Variants in GPT2 observed in about 807,000 individuals in gnomAD.
The protein encoded by GPT2 is alanine aminotransferase 2.
In GPT2, 30 loss-of-function variants were observed where a neutral mutation model predicts 56.9. The ratio of observed to expected loss-of-function variants is 0.53; its 90% CI spans 0.39 to 0.72. The LOEUF is 0.72. Among genes scored for constraint, GPT2 ranks in the 30% least tolerant of loss-of-function variants. GPT2 has a pLI of 0.00. For synonymous variants in GPT2, 271 were observed against 283.1 expected (o/e 0.96, Z 0.43); for missense variants, 542 against 703.4 (o/e 0.77, Z 2.60).
chr16:46,924,125 C>T, intron 9 of GPT2: 1 of 490,976 alleles, frequency 2.0e-6, no homozygotes, highest in South Asian at 1.9e-5. Flanking sequence ...CAGGCTCACA[C>T]AAGCTCTTCT....
intron 2 of GPT2, among the ~76,000 whole-genome samples, chr16:46,889,305 T>A (rs1177804060): frequency 2.9e-5 from 4 of 139,576 alleles, no homozygotes; most frequent in African/African-American, 7.8e-5. Context: ...TCTCCTAGGC[T>A]GGAGTGCAGT....
At chr16:46,925,419 C>T (rs1961387413) in intron 10 of GPT2, among the ~76,000 whole-genome samples, 1 of 152,048 alleles carries the variant, frequency 6.6e-6, no homozygotes, top group South Asian at 2.1e-4. Context: ...GACGGGGTTT[C>T]ACCGTGTTAG....
At chr16:46,918,021 C>A (rs1439007370) in intron 7 of GPT2, among the ~76,000 whole-genome samples, 1 of 152,188 alleles carries the variant, frequency 6.6e-6, no homozygotes, top group Non-Finnish European at 1.5e-5. Context: ...TTTCTCTGAT[C>A]TCCAAAATAG....
intron 3 of GPT2, among the ~76,000 whole-genome samples, chr16:46,899,235 T>C (rs1449062177): frequency 6.6e-6 from 1 of 151,970 alleles, no homozygotes; most frequent in Non-Finnish European, 1.5e-5. Flanking sequence ...GGTCTTGCTG[T>C]GTTGCCCAGG....
In GPT2 at chr16:46,903,949, G is replaced by T. The variant is rs138253210; in HGVS notation, c.443-2893G>T. Among the ~76,000 whole-genome samples, 528 of 152,316 alleles carry T rather than the reference G, an allele frequency of 3.5e-3. 2 individuals are homozygous for T. Among genetic ancestry groups the T allele is most frequent in the African/African-American group, 0.012 (505 of 41,564 alleles). The stretch of plus-strand genomic sequence containing the variant: ...GGAGAGGAAGAGCTTAAGGGGAAAC[G>T]TGGCATTCACGCTCATGGGGAGGAT... On this transcript the variant is annotated intron_variant, in intron 4 of 11. Transcript: ENST00000340124.
rs1961494952 is a variant in GPT2 at position 46,929,659 on chromosome 16, A to G, written c.*662A>G. 6.6e-6 allele frequency: 1 copy of G among 152,412 alleles called. No individual in the cohort carries two copies. The highest frequency in any genetic ancestry group is 1.9e-4 in the East Asian group (1 of 5,194). 9.4% of individuals were successfully genotyped at this position (152,412 alleles called of 1,614,324 possible). The stretch of plus-strand genomic sequence containing the variant: ...AGGAGGAACTGGGCCTCCGCTTCCC[A>G]GCAACGCAGCCAGGCCTGAGAATTC... On this transcript the variant is annotated 3_prime_UTR_variant, in exon 12 of 12. Transcript: ENST00000340124.
intron 4 of GPT2, among the ~76,000 whole-genome samples, chr16:46,904,462 A>C (rs1240170795): frequency 2.6e-5 from 4 of 152,300 alleles, no homozygotes; most frequent in Admixed American, 6.5e-5. Flanking sequence ...AGGCTGAGAG[A>C]TTGGCTGGAG....
rs143688189 is a variant in GPT2, at chr16:46,916,432, G to C, written c.821-196G>C. ...TGGCTGAGGAGAGTCAGACACACAG[G>C]CTGCTCTTCTGGGCGTCCCTGGAGG... is the stretch of plus-strand genomic sequence containing the variant. On this transcript the variant is annotated intron_variant, in intron 6 of 11. Transcript: ENST00000340124. 675 of 588,156 alleles carry C rather than the reference G, an allele frequency of 1.1e-3. 15 individuals are homozygous for C. In the East Asian group the frequency reaches 0.017, roughly 15 times the overall value. 36.4% of individuals were successfully genotyped at this position (588,156 alleles called of 1,614,324 possible). A position where few individuals can be genotyped will look rare whatever the true frequency, so the allele number is the denominator to read the frequency against.
chr16:46,924,357 C>T, intron 9 of GPT2, 32 bp from the exon 10 acceptor site: 1 of 1,612,282 alleles, frequency 6.2e-7, no homozygotes, highest in Non-Finnish European at 8.5e-7. Context: ...TCCAGAGATA[C>T]TGACTGCTGT....
chr16:46,922,914 T>C (rs1318514445), intron 9 of GPT2, among the ~76,000 whole-genome samples: 1 of 152,172 alleles, frequency 6.6e-6, no homozygotes, highest in Non-Finnish European at 1.5e-5. Context: ...TCACTTCTTT[T>C]TTAAAAAATT....
intron 4 of GPT2, among the ~76,000 whole-genome samples, chr16:46,903,086 TA>T (rs1204834228): frequency 6.6e-6 from 1 of 151,902 alleles, no homozygotes; most frequent in Non-Finnish European, 1.5e-5. Flanking sequence ...CTGTCTCTAC[TA>T]AAAATACAAA....
At position 46,900,862 on chromosome 16, in the gene GPT2, G is replaced by C. The variant is rs1320038381; in HGVS notation, c.442+72G>C. 2.4e-6 allele frequency: 3 copies of C among 1,270,620 alleles called. No homozygotes were observed. The Admixed American group carries it at 5.3e-5, about 23-fold the overall frequency. 78.7% of individuals were successfully genotyped at this position (1,270,620 alleles called of 1,614,324 possible). On this transcript the variant is annotated intron_variant, in intron 4 of 11. Coordinates refer to ENST00000340124, the MANE Select transcript of GPT2 (RefSeq NM_133443.4). ...TTCCCAGGCGGCCCCAGCCTCAAGC[G>C]GAGGGTCCTGCATGCGAATGGGTGT...
chr16:46,906,656 G>A (rs541442153), intron 4 of GPT2, among the ~76,000 whole-genome samples, 186 bp from the exon 5 acceptor site: 31 of 152,232 alleles, frequency 2.0e-4, no homozygotes, highest in Non-Finnish European at 2.8e-4. Flanking sequence ...GGATAGAGGG[G>A]TGGGTGGATG....
Position 46,921,167 on chromosome 16 carries a change from G to T in GPT2, c.1038-1075G>T, listed in dbSNP as rs914362368. On this transcript the variant is annotated intron_variant, in intron 8 of 11. Coordinates refer to ENST00000340124, the MANE Select transcript of GPT2 (RefSeq NM_133443.4). ...GTGATCCCAAAAGCATGGTTTTTTTGATTTTTGTTTTGTTGTTTTGAGATG... is the reference window on the plus strand; with the variant it reads ...GTGATCCCAAAAGCATGGTTTTTTTTATTTTTGTTTTGTTGTTTTGAGATG... Among the ~76,000 whole-genome samples, 7 of 152,124 alleles carry T rather than the reference G, an allele frequency of 4.6e-5. No homozygotes were observed. In the East Asian group the frequency reaches 5.8e-4, roughly 13 times the overall value.
rs749884577 is a variant in GPT2 at position 46,918,720 on chromosome 16, G to A, written c.1000G>A (p.Ala334Thr). The change falls in exon 8 of 12, where the codon GCC becomes ACC. Residue 334 changes from alanine to threonine, a missense_variant. Transcript: ENST00000340124. Reference sequence around the variant, plus strand: ...CGAGTACTCCAGCAACGTGGAGCTCGCCTCCTTCCACTCCACCTCCAAGGG... The same window carrying A: ...CGAGTACTCCAGCAACGTGGAGCTCACCTCCTTCCACTCCACCTCCAAGGG... Reference protein sequence around the residue: ...GPEYSSNVELASFHSTSKGYM... With the variant: ...GPEYSSNVELTSFHSTSKGYM... The A allele has an allele frequency of 1.7e-5, 28 of 1,614,014 alleles. No individual in the cohort carries two copies. The highest frequency in any genetic ancestry group is 4.4e-5 in the South Asian group (4 of 91,086).
At chr16:46,921,447 A>C (rs1463641214) in intron 8 of GPT2, among the ~76,000 whole-genome samples, 2 of 152,074 alleles carry the variant, frequency 1.3e-5, no homozygotes, top group African/African-American at 4.8e-5. Flanking sequence ...TGCTGTGATT[A>C]CAGGACTGAG....
At chr16:46,905,471 A>G (rs934897050) in intron 4 of GPT2, among the ~76,000 whole-genome samples, 2 of 152,156 alleles carry the variant, frequency 1.3e-5, no homozygotes, top group Non-Finnish European at 2.9e-5. Flanking sequence ...TGGTTTTTGC[A>G]GTAACCACAG....
chr16:46,885,100 G>GC, intron 2 of GPT2, 142 bp downstream of exon 2: 1 of 1,349,388 alleles, frequency 7.4e-7, no homozygotes. Context: ...ACGAGAGAAT[G>GC]CCCCCTCCCG....
intron 11 of GPT2, among the ~76,000 whole-genome samples, chr16:46,927,261 C>A (rs969353715): frequency 2.6e-5 from 4 of 152,206 alleles, no homozygotes; most frequent in Non-Finnish European, 5.9e-5. Flanking sequence ...CCTGAAAGGT[C>A]TTCCTTGACT....
Sources: gnomAD v4.1 joint callset for allele counts (sites outside exome capture counted in the v4.1 genomes callset) on GRCh38, gnomAD v4.1.1 for gene constraint, MANE v1.5 for transcripts, NCBI Gene and HGNC (gene_info 2026-07-23, HGNC 2026-07-21) for gene names.